The following CAMK1D variants were observed in gnomAD, a reference collection of about 807,000 sequenced individuals.
CAMK1D encodes the protein calcium/calmodulin dependent protein kinase ID.
In CAMK1D, 9 loss-of-function variants were observed where a neutral mutation model predicts 47.7. The observed-to-expected ratio is 0.19, with a 90% CI of 0.11 to 0.33. CAMK1D has a LOEUF of 0.33. Among genes scored for constraint, CAMK1D ranks in the 10% least tolerant of loss-of-function variants. CAMK1D has a pLI of 1.00. For synonymous variants in CAMK1D, 184 were observed against 184.9 expected (o/e 0.99, Z 0.04); for missense variants, 291 against 488.7 (o/e 0.60, Z 3.81).
chr10:12,517,058 C>T (rs1221140176), intron 1 of CAMK1D, among the ~76,000 whole-genome samples: 2 of 152,130 alleles, frequency 1.3e-5, no homozygotes, highest in Non-Finnish European at 2.9e-5. Context: ...TTTCTTTAAT[C>T]AATGTTTTAT....
At chr10:12,705,239 T>A (rs1390787411) in intron 3 of CAMK1D, among the ~76,000 whole-genome samples, 1 of 152,128 alleles carries the variant, frequency 6.6e-6, no homozygotes, top group East Asian at 1.9e-4. Flanking sequence ...GGCAGGCAGA[T>A]CACCTGAGGT....
At chr10:12,712,030 T>C (rs1449611731) in intron 3 of CAMK1D, among the ~76,000 whole-genome samples, 1 of 152,238 alleles carries the variant, frequency 6.6e-6, no homozygotes, top group East Asian at 1.9e-4. Flanking sequence ...GGCAAATGTA[T>C]CAGCTGTTCC....
At chr10:12,625,425 C>G (rs1207339370) in intron 2 of CAMK1D, among the ~76,000 whole-genome samples, 2 of 149,156 alleles carry the variant, frequency 1.3e-5, no homozygotes, top group East Asian at 4.2e-4. Context: ...ACCTTGAACT[C>G]TTGGGTTCAG....
chr10:12,413,094 A>G (rs1399417908), intron 1 of CAMK1D, among the ~76,000 whole-genome samples: 1 of 152,180 alleles, frequency 6.6e-6, no homozygotes, highest in Non-Finnish European at 1.5e-5. Context: ...GATCAAGAAA[A>G]GAGGCTTAAT....
intron 1 of CAMK1D, 37 bp from the exon 2 acceptor site, chr10:12,553,188 T>C: frequency 6.2e-7 from 1 of 1,612,778 alleles, no homozygotes; most frequent in Non-Finnish European, 8.5e-7. Context: ...ACTGGACTTC[T>C]GCATCTAAGT....
intron 2 of CAMK1D, among the ~76,000 whole-genome samples, chr10:12,654,099 A>G (rs565773531): frequency 4.5e-4 from 68 of 152,240 alleles, no homozygotes; most frequent in Non-Finnish European, 8.2e-4. Context: ...TATAAATGCA[A>G]GTGTTCAGAG....
At chr10:12,792,994 A>C (rs999772847) in intron 6 of CAMK1D, among the ~76,000 whole-genome samples, 1 of 151,384 alleles carries the variant, frequency 6.6e-6, no homozygotes, top group Non-Finnish European at 1.5e-5. Context: ...GCACGCACAC[A>C]ATTTTGCATA....
intron 1 of CAMK1D, among the ~76,000 whole-genome samples, chr10:12,364,537 A>G (rs543971576): frequency 6.6e-6 from 1 of 151,824 alleles, no homozygotes; most frequent in Non-Finnish European, 1.5e-5. Context: ...GCCACCACGC[A>G]TGGCCATCAT....
intron 1 of CAMK1D, among the ~76,000 whole-genome samples, chr10:12,537,496 C>T (rs1405110243): frequency 6.6e-6 from 1 of 152,234 alleles, no homozygotes; most frequent in African/African-American, 2.4e-5. Context: ...TTACCTTTTC[C>T]CAACCTGCTG....
intron 1 of CAMK1D, among the ~76,000 whole-genome samples, chr10:12,462,146 C>T (rs182974634): frequency 1.4e-5 from 2 of 141,494 alleles, no homozygotes; most frequent in East Asian, 4.1e-4. Flanking sequence ...GAATTTCTGG[C>T]CTATGAAGAG....
intron 1 of CAMK1D, among the ~76,000 whole-genome samples, chr10:12,511,291 C>A (rs891440667): frequency 6.6e-6 from 1 of 152,090 alleles, no homozygotes; most frequent in African/African-American, 2.4e-5. Flanking sequence ...TTGGAATCTC[C>A]TGGGGAACTT....
chr10:12,606,542 G>A (rs1000460711), intron 2 of CAMK1D, among the ~76,000 whole-genome samples: 1 of 152,178 alleles, frequency 6.6e-6, no homozygotes, highest in Non-Finnish European at 1.5e-5. Context: ...TTTCCTGATG[G>A]TTTGGGAAGG....
intron 1 of CAMK1D, among the ~76,000 whole-genome samples, chr10:12,387,443 TTTTATATA>T (rs1564307218): frequency 1.2e-4 from 6 of 49,644 alleles, no homozygotes; most frequent in African/African-American, 2.1e-4. Flanking sequence ...ATTATATATA[TTTTATATA>T]TATATATATA....
intron 1 of CAMK1D, among the ~76,000 whole-genome samples, chr10:12,444,665 T>C (rs1832878811): frequency 6.6e-6 from 1 of 152,208 alleles, no homozygotes; most frequent in Admixed American, 6.5e-5. Flanking sequence ...TGCAAGTGCA[T>C]TCAAAGAAAG....
At chr10:12,724,837 A>C (rs552203097) in intron 3 of CAMK1D, among the ~76,000 whole-genome samples, 1 of 151,888 alleles carries the variant, frequency 6.6e-6, no homozygotes, top group Admixed American at 6.6e-5. Context: ...CTACGGTCAC[A>C]CTGCTGCACT....
intron 3 of CAMK1D, among the ~76,000 whole-genome samples, chr10:12,715,711 G>T (rs1834104027): frequency 1.4e-5 from 2 of 146,916 alleles, no homozygotes; most frequent in Admixed American, 7.0e-5. Context: ...GAGAAGTGTG[G>T]GATGGCATTT....
intron 2 of CAMK1D, among the ~76,000 whole-genome samples, chr10:12,557,741 T>C (rs1271811891): frequency 1.3e-5 from 2 of 152,160 alleles, no homozygotes; most frequent in Non-Finnish European, 2.9e-5. Flanking sequence ...TGGCCATTGG[T>C]TTATTTCCAC....
At chr10:12,432,122 G>A (rs545073937) in intron 1 of CAMK1D, among the ~76,000 whole-genome samples, 2 of 152,358 alleles carry the variant, frequency 1.3e-5, no homozygotes, top group Admixed American at 6.5e-5. Context: ...ACTGGGCCGC[G>A]TTTCTCTGAG....
intron 1 of CAMK1D, among the ~76,000 whole-genome samples, chr10:12,474,238 A>T (rs1429097852): frequency 1.3e-4 from 18 of 135,216 alleles, no homozygotes; most frequent in Admixed American, 6.7e-4. Context: ...TTGCTCTGTC[A>T]CCCAGGCTGG....
Sources: gnomAD v4.1 joint callset for allele counts (sites outside exome capture counted in the v4.1 genomes callset) on GRCh38, gnomAD v4.1.1 for gene constraint, MANE v1.5 for transcripts, NCBI Gene and HGNC (gene_info 2026-07-23, HGNC 2026-07-21) for gene names.